The following MAP3K13 variants were observed in gnomAD, a reference collection of about 807,000 sequenced individuals.
The protein encoded by MAP3K13 is mitogen-activated protein kinase kinase kinase 13.
MAP3K13 carries 52 observed loss-of-function variants against 104.0 expected under a neutral mutation model. The observed-to-expected ratio is 0.50, with a 90% CI of 0.40 to 0.63. The LOEUF is 0.63. Among genes scored for constraint, MAP3K13 ranks in the 20% least tolerant of loss-of-function variants. The pLI is 0.00. For synonymous variants in MAP3K13, 394 were observed against 442.2 expected (o/e 0.89, Z 1.37); for missense variants, 914 against 1,218.5 (o/e 0.75, Z 3.72).
At chr3:185,305,799 G>A (rs1273311105) in intron 2 of MAP3K13, among the ~76,000 whole-genome samples, 1 of 152,054 alleles carries the variant, frequency 6.6e-6, no homozygotes, top group African/African-American at 2.4e-5. Context: ...TAGATTTAGA[G>A]GATATATGTG....
chr3:185,434,239 C>T (rs765140896), intron 2 of MAP3K13, among the ~76,000 whole-genome samples: 3 of 152,028 alleles, frequency 2.0e-5, no homozygotes, highest in Non-Finnish European at 4.4e-5. Flanking sequence ...TTTATGTGAA[C>T]AATGGAAGGC....
intron 2 of MAP3K13, among the ~76,000 whole-genome samples, chr3:185,307,772 G>A (rs1721347087): frequency 6.6e-6 from 1 of 151,920 alleles, no homozygotes; most frequent in South Asian, 2.1e-4. Flanking sequence ...TTGAACTCCT[G>A]ACCTTGTGAT....
Position 185,485,066 on chromosome 3 carries a change from G to A in MAP3K13, c.*2610G>A, listed in dbSNP as rs1418137530. The A allele has an allele frequency of 6.6e-6, 1 of 152,122 alleles. No homozygotes were observed. Among genetic ancestry groups the A allele is most frequent in the Admixed American group, 6.6e-5 (1 of 15,264 alleles). The allele number at this position is 152,122 out of a possible 1,614,324, so 9.4% of individuals were successfully genotyped here. A position where few individuals can be genotyped will look rare whatever the true frequency, so the allele number is the denominator to read the frequency against. ...GATCATGAAAGCTCCTGGGTGGGCC[G>A]ATGACCCCCAGGATGTCAAATAGTG... On this transcript the variant is annotated 3_prime_UTR_variant, in exon 14 of 14. Transcript: ENST00000265026.
At chr3:185,463,452 G>A in intron 7 of MAP3K13, 98 bp from the exon 8 acceptor site, 1 of 662,834 alleles carries the variant, frequency 1.5e-6, no homozygotes, top group Non-Finnish European at 2.8e-6. Context: ...CTCTTCAGTA[G>A]AAGCATGCAG....
intron 2 of MAP3K13, among the ~76,000 whole-genome samples, chr3:185,332,326 A>G (rs1171296755): frequency 2.0e-5 from 3 of 152,134 alleles, no homozygotes; most frequent in Non-Finnish European, 2.9e-5. Flanking sequence ...TAATGGTTTC[A>G]GCATAGTGTT....
chr3:185,330,046 A>AT (rs548813356), intron 2 of MAP3K13, among the ~76,000 whole-genome samples: 62 of 98,270 alleles, frequency 6.3e-4, no homozygotes, highest in Non-Finnish European at 1.0e-3. Flanking sequence ...TGCCTGGCTA[A>AT]TTTTTTTTTT....
intron 2 of MAP3K13, among the ~76,000 whole-genome samples, chr3:185,343,279 G>A (rs1183266624): frequency 1.3e-5 from 2 of 152,140 alleles, no homozygotes; most frequent in Non-Finnish European, 2.9e-5. Context: ...ATCATGAGGG[G>A]CACCTTAAGA....
At chr3:185,403,052 T>G (rs1024345020) in intron 1 of MAP3K13, among the ~76,000 whole-genome samples, 2 of 152,128 alleles carry the variant, frequency 1.3e-5, no homozygotes, top group African/African-American at 4.8e-5. Flanking sequence ...AATCAAAAAA[T>G]AAAAGGCAAA....
Position 185,418,384 on chromosome 3 carries a change from G to T in MAP3K13, c.-85-10113G>T, listed in dbSNP as rs181877580. On this transcript the variant is annotated intron_variant, in intron 1 of 13. Transcript: ENST00000265026. The surrounding 1 kb of genome is among the most constrained non-coding windows in gnomAD (Gnocchi z 4.5). The stretch of plus-strand genomic sequence containing the variant: ...TTTAGACATGACCAGTGCTGGTAGG[G>T]CTGAGGCAGCCAGGGCAGAACAGAT... 8.7e-6 allele frequency: 14 copies of T among 1,604,384 alleles called. No individual in the cohort carries two copies. Among genetic ancestry groups the T allele is most frequent in the Non-Finnish European group, 9.4e-6 (11 of 1,173,062 alleles).
chr3:185,466,967 A>G lies in MAP3K13; in HGVS notation c.1643+4A>G. The G allele has an allele frequency of 6.2e-7, 1 of 1,613,982 alleles. No individual in the cohort carries two copies. Among genetic ancestry groups the G allele is most frequent in the Non-Finnish European group, 8.5e-7 (1 of 1,179,862 alleles). On this transcript the variant is annotated splice_donor_region_variant and intron_variant, in intron 10 of 13. Coordinates refer to ENST00000265026, the MANE Select transcript of MAP3K13 (RefSeq NM_004721.5). ...AATCTGGGATGCAGACCAAACGGTG[A>G]GACACCTGTACAAACGCAGTATTCA...
chr3:185,351,532 G>A (rs957029712), intron 2 of MAP3K13, among the ~76,000 whole-genome samples: 2 of 152,062 alleles, frequency 1.3e-5, no homozygotes, highest in Non-Finnish European at 2.9e-5. Flanking sequence ...CCAGGAGACT[G>A]GTAATCAATT....
intron 7 of MAP3K13, among the ~76,000 whole-genome samples, chr3:185,455,783 T>C (rs1716661885): frequency 9.4e-6 from 1 of 106,216 alleles, no homozygotes; most frequent in Non-Finnish European, 1.9e-5. Context: ...GATATATATA[T>C]GAGATATATA....
chr3:185,480,975 A>G (rs945358220), intron 13 of MAP3K13, among the ~76,000 whole-genome samples: 3 of 152,146 alleles, frequency 2.0e-5, no homozygotes, highest in Non-Finnish European at 2.9e-5. Context: ...GGGAATTGCA[A>G]TTCAACATGA....
chr3:185,459,176 C>T (rs1223950041), intron 7 of MAP3K13, among the ~76,000 whole-genome samples: 4 of 152,038 alleles, frequency 2.6e-5, no homozygotes, highest in Non-Finnish European at 5.9e-5. Flanking sequence ...GACTCTGCTG[C>T]CTTAAAAGTA....
intron 1 of MAP3K13, among the ~76,000 whole-genome samples, chr3:185,405,386 A>T (rs1327039135): frequency 1.3e-5 from 2 of 152,230 alleles, no homozygotes; most frequent in Non-Finnish European, 2.9e-5. Flanking sequence ...ATCAAAGAAA[A>T]GAGACTCGTT....
Position 185,487,229 on chromosome 3 carries a change from A to T in MAP3K13, c.*4773A>T, listed in dbSNP as rs568861953. ...CACCAGGTTGGAGTACAGTGGCATG[A>T]TTATGGCTCACTGCAGCCTCAACCT... On this transcript the variant is annotated 3_prime_UTR_variant, in exon 14 of 14. Transcript: ENST00000265026. 3 of 152,182 alleles carry T rather than the reference A, an allele frequency of 2.0e-5. No homozygotes were observed. The East Asian group carries it at 5.8e-4, about 29-fold the overall frequency. The allele number at this position is 152,182 out of a possible 1,614,324, so 9.4% of individuals were successfully genotyped here.
chr3:185,307,546 C>CCCCCCCCCCCCCCCCCCCCCCCCCCCCCA (rs58408265), intron 2 of MAP3K13, among the ~76,000 whole-genome samples: 6 of 104,064 alleles, frequency 5.8e-5, no homozygotes, highest in Non-Finnish European at 1.1e-4. Context: ...GCACCACCCC[C>CCCCCCCCCCCCCCCCCCCCCCCCCCCCCA]TCCCCCGCCA....
rs80308577 is a variant in MAP3K13 at position 185,343,059 on chromosome 3, G to A, written c.-86+57416G>A. On this transcript the variant is annotated intron_variant, in intron 2 of 14. Coordinates refer to the MAP3K13 transcript ENST00000424227. ...GGCCACCCACATTTCCTTGCCATGC[G>A]GGGTTCCCCAACATGGCCACTAGCC... 3.6e-3 allele frequency among the ~76,000 whole-genome samples: 552 copies of A among 152,204 alleles called. 6 individuals are homozygous for A. The highest frequency in any genetic ancestry group is 0.013 in the African/African-American group (534 of 41,524).
rs147450010 is a variant in MAP3K13, at chr3:185,352,301, G to A, written c.-86+66658G>A. ...CTCTACTAAAAATACAAAATTAGCC[G>A]GGTGTGGTGGTGCATGCCTGTAATC... is the stretch of plus-strand genomic sequence containing the variant. On this transcript the variant is annotated intron_variant, in intron 2 of 14. Transcript: ENST00000424227. Among the ~76,000 whole-genome samples the A allele has an allele frequency of 6.8e-3, 1,030 of 152,118 alleles. 16 individuals are homozygous for A. Among genetic ancestry groups the A allele is most frequent in the African/African-American group, 0.023 (962 of 41,502 alleles).
Sources: gnomAD v4.1 joint callset for allele counts (sites outside exome capture counted in the v4.1 genomes callset) on GRCh38, gnomAD v4.1.1 for gene constraint, Gnocchi (gnomAD v3.1) non-coding constraint, MANE v1.5 for transcripts, NCBI Gene and HGNC (gene_info 2026-07-23, HGNC 2026-07-21) for gene names.